The following SUPT3H variants were observed in gnomAD, a reference collection of about 807,000 sequenced individuals.
SUPT3H encodes SPT3 homolog, SAGA and STAGA complex component.
In SUPT3H, 44 loss-of-function variants were observed where a neutral mutation model predicts 44.3. The observed-to-expected ratio is 0.99, with a 90% CI of 0.78 to 1.28. The LOEUF (loss-of-function observed/expected upper bound fraction) is 1.28. Ranked by LOEUF, SUPT3H falls within the 50% of genes most tolerant of loss-of-function variation. SUPT3H has a pLI of 0.00. For synonymous variants in SUPT3H, 124 were observed against 125.6 expected (o/e 0.99, Z 0.09); for missense variants, 380 against 387.1 (o/e 0.98, Z 0.15).
At chr6:45,302,467 C>CAT (rs57394324) in intron 2 of SUPT3H, among the ~76,000 whole-genome samples, 44,766 of 130,140 alleles carry the variant, frequency 0.34, 8,423 homozygotes, top group Non-Finnish European at 0.42. Flanking sequence ...TCCATATATA[C>CAT]ATATATATAT....
At chr6:45,206,903 G>A (rs1007612610) in intron 2 of SUPT3H, among the ~76,000 whole-genome samples, 2 of 152,122 alleles carry the variant, frequency 1.3e-5, no homozygotes, top group Non-Finnish European at 1.5e-5. Context: ...AGACATTCAA[G>A]TGGAGAGAGA....
intron 3 of SUPT3H, among the ~76,000 whole-genome samples, chr6:45,047,182 T>C (rs1789536794): frequency 6.6e-6 from 1 of 152,222 alleles, no homozygotes; most frequent in Non-Finnish European, 1.5e-5. Flanking sequence ...TTTTATTTGC[T>C]ATGGCTTTTT....
intron 10 of SUPT3H, among the ~76,000 whole-genome samples, chr6:44,913,415 T>C (rs1199316119): frequency 6.6e-6 from 1 of 152,206 alleles, no homozygotes; most frequent in Non-Finnish European, 1.5e-5. Flanking sequence ...CTAGCTTTTT[T>C]ATTTAGCCAT....
intron 10 of SUPT3H, among the ~76,000 whole-genome samples, chr6:44,913,771 T>C (rs1277766514): frequency 6.6e-6 from 1 of 152,234 alleles, no homozygotes; most frequent in Non-Finnish European, 1.5e-5. Flanking sequence ...ATTATTCTGC[T>C]ACTTGGGGTT....
At chr6:45,331,422 T>C (rs931864206) in intron 2 of SUPT3H, among the ~76,000 whole-genome samples, 2 of 151,936 alleles carry the variant, frequency 1.3e-5, no homozygotes, top group Admixed American at 6.6e-5. Context: ...ATCAATAATA[T>C]ATTTATAGTT....
At chr6:44,905,495 G>T (rs1200984706) in intron 10 of SUPT3H, among the ~76,000 whole-genome samples, 7 of 150,456 alleles carry the variant, frequency 4.7e-5, no homozygotes, top group Non-Finnish European at 1.0e-4. Context: ...AGTTAGAATG[G>T]CAATCATTAA....
intron 6 of SUPT3H, among the ~76,000 whole-genome samples, chr6:44,984,556 T>C (rs1779517569): frequency 6.6e-6 from 1 of 152,120 alleles, no homozygotes; most frequent in Non-Finnish European, 1.5e-5. Flanking sequence ...TAAGTGAATA[T>C]ATATTTAGCA....
At chr6:45,190,715 T>C (rs1814987540) in intron 2 of SUPT3H, among the ~76,000 whole-genome samples, 1 of 152,072 alleles carries the variant, frequency 6.6e-6, no homozygotes. Context: ...AACCAAAATA[T>C]ACAAAGAACC....
At chr6:45,142,848 A>C (rs1805467144) in intron 2 of SUPT3H, among the ~76,000 whole-genome samples, 1 of 151,570 alleles carries the variant, frequency 6.6e-6, no homozygotes, top group Non-Finnish European at 1.5e-5. Flanking sequence ...GACTCACATA[A>C]GGTAAAGGAG....
chr6:45,144,845 A>G (rs1025428969), intron 2 of SUPT3H, among the ~76,000 whole-genome samples: 3 of 152,186 alleles, frequency 2.0e-5, no homozygotes, highest in Non-Finnish European at 4.4e-5. Context: ...AAACGAATGT[A>G]CACAAAGCAG....
At chr6:44,890,815 T>C (rs937770276) in intron 10 of SUPT3H, among the ~76,000 whole-genome samples, 1 of 151,006 alleles carries the variant, frequency 6.6e-6, no homozygotes, top group African/African-American at 2.4e-5. Flanking sequence ...TATGCAGCCA[T>C]AAAACAGGAT....
intron 2 of SUPT3H, among the ~76,000 whole-genome samples, chr6:45,171,716 T>C (rs77530329): frequency 7.7e-6 from 1 of 129,890 alleles, no homozygotes; most frequent in African/African-American, 3.2e-5. Flanking sequence ...CCACTTGCTT[T>C]TTTTTTTTTT....
intron 10 of SUPT3H, among the ~76,000 whole-genome samples, chr6:44,925,712 A>T (rs1769411769): frequency 6.6e-6 from 1 of 152,192 alleles, no homozygotes; most frequent in Non-Finnish European, 1.5e-5. Flanking sequence ...GTGACATAAG[A>T]GAACACTAGA....
intron 6 of SUPT3H, among the ~76,000 whole-genome samples, chr6:44,987,525 A>G (rs1012780324): frequency 1.3e-5 from 2 of 152,058 alleles, no homozygotes; most frequent in Non-Finnish European, 2.9e-5. Flanking sequence ...ATTTGGCAAC[A>G]ATGGAGGTTA....
chr6:45,251,613 G>T (rs1241195611), intron 2 of SUPT3H, among the ~76,000 whole-genome samples: 1 of 151,700 alleles, frequency 6.6e-6, no homozygotes, highest in Non-Finnish European at 1.5e-5. Context: ...GAAAAGATAG[G>T]TATAACAGAA....
intron 10 of SUPT3H, among the ~76,000 whole-genome samples, chr6:44,876,864 A>G (rs536614017): frequency 4.0e-5 from 6 of 151,378 alleles, no homozygotes; most frequent in African/African-American, 1.4e-4. Context: ...AAAGAAAAAA[A>G]AAGTGTATGA....
chr6:45,158,298 A>ATT lies in SUPT3H; in HGVS notation c.102-52294_102-52293dup, dbSNP rs56882164. On this transcript the variant is annotated intron_variant, in intron 2 of 10. Transcript: ENST00000371459. Reference sequence around the variant, plus strand: ...TACATATATATATATATATATATATATTTTTTTTTTTTTTTTTTTGAGATG... The same window carrying ATT: ...TACATATATATATATATATATATATATTTTTTTTTTTTTTTTTTTTTGAGATG... Among the ~76,000 whole-genome samples the ATT allele has an allele frequency of 4.9e-4, 49 of 99,686 alleles. 2 individuals are homozygous for ATT. The highest frequency in any genetic ancestry group is 2.4e-3 in the Admixed American group (19 of 7,996). The allele number at this position is 99,686 out of a possible 152,430, so 65.4% of individuals were successfully genotyped here. A position where few individuals can be genotyped will look rare whatever the true frequency, so the allele number is the denominator to read the frequency against.
At chr6:44,950,326 T>G (rs147732586) in intron 9 of SUPT3H, among the ~76,000 whole-genome samples, 1,910 of 152,342 alleles carry the variant, frequency 0.013, 24 homozygotes, top group Non-Finnish European at 0.018. Flanking sequence ...CATCACAGTA[T>G]TGGCTCCTAA....
intron 2 of SUPT3H, among the ~76,000 whole-genome samples, chr6:45,153,009 A>G (rs1185138425): frequency 6.6e-6 from 1 of 152,048 alleles, no homozygotes; most frequent in African/African-American, 2.4e-5. Flanking sequence ...ACATCTTTAC[A>G]TTTGCTATTC....
Sources: gnomAD v4.1 joint callset for allele counts (sites outside exome capture counted in the v4.1 genomes callset) on GRCh38, gnomAD v4.1.1 for gene constraint, MANE v1.5 for transcripts, NCBI Gene and HGNC (gene_info 2026-07-23, HGNC 2026-07-21) for gene names.